Variants in NECAB1 observed in about 807,000 individuals in gnomAD.
The protein encoded by NECAB1 is N-terminal EF-hand calcium binding protein 1, also known as N-terminal EF-hand calcium-binding protein 1.
NECAB1 carries 29 observed loss-of-function variants against 57.5 expected under a neutral mutation model. The ratio of observed to expected loss-of-function variants is 0.50; its 90% CI spans 0.38 to 0.69. NECAB1 has a LOEUF of 0.69. Ranked by LOEUF, NECAB1 falls within the 30% of genes least tolerant of loss-of-function variation. The pLI is 0.00. For missense variants in NECAB1, 372 were observed against 413.8 expected (o/e 0.90, Z 0.88); for synonymous variants, 142 against 147.7 (o/e 0.96, Z 0.28).
At chr8:90,851,301 C>A (rs1489081690) in intron 3 of NECAB1, among the ~76,000 whole-genome samples, 1 of 152,104 alleles carries the variant, frequency 6.6e-6, no homozygotes, top group Non-Finnish European at 1.5e-5. Context: ...ATCATTCTAG[C>A]AAATTATCAA....
intron 3 of NECAB1, among the ~76,000 whole-genome samples, chr8:90,841,605 A>G (rs1586050739): frequency 6.6e-6 from 1 of 152,186 alleles, no homozygotes; most frequent in African/African-American, 2.4e-5. Context: ...GAACTGTCAT[A>G]CCTGCTGGGG....
chr8:90,945,046 T>G (rs1586148415), intron 10 of NECAB1, among the ~76,000 whole-genome samples: 1 of 152,038 alleles, frequency 6.6e-6, no homozygotes, highest in Non-Finnish European at 1.5e-5. Context: ...TACAGGTGCA[T>G]GCCACCATGC....
intron 10 of NECAB1, among the ~76,000 whole-genome samples, chr8:90,941,824 T>C (rs1810676441): frequency 1.3e-5 from 2 of 152,218 alleles, no homozygotes; most frequent in South Asian, 4.1e-4. Context: ...TGCCAGCCCA[T>C]GCACTGCCTC....
At chr8:90,795,028 A>G (rs1055362275) in intron 1 of NECAB1, among the ~76,000 whole-genome samples, 1 of 152,246 alleles carries the variant, frequency 6.6e-6, no homozygotes, top group African/African-American at 2.4e-5. Context: ...CCTGCCAGCC[A>G]CAGGAGAGGG....
chr8:90,887,612 C>T (rs987072573), intron 5 of NECAB1, among the ~76,000 whole-genome samples: 5 of 152,082 alleles, frequency 3.3e-5, no homozygotes, highest in African/African-American at 1.2e-4. Context: ...TCAGATAAAA[C>T]ATCAGCGAGA....
chr8:90,801,044 CAT>C lies in NECAB1; in HGVS notation c.100-646_100-645del, dbSNP rs573558011. Among the ~76,000 whole-genome samples the C allele has an allele frequency of 3.6e-3, 546 of 152,234 alleles. 3 individuals carry two copies. The highest frequency in any genetic ancestry group is 0.013 in the African/African-American group (524 of 41,528). Reference sequence around the variant, plus strand: ...ATAAATAAAGTAGATATAGCATAGACATGTGGTTACTCTTTACCCATGATGTA... The same window carrying C: ...ATAAATAAAGTAGATATAGCATAGACGTGGTTACTCTTTACCCATGATGTA... On this transcript the variant is annotated intron_variant, in intron 1 of 12. Coordinates refer to ENST00000417640, the MANE Select transcript of NECAB1 (RefSeq NM_022351.5).
intron 9 of NECAB1, among the ~76,000 whole-genome samples, chr8:90,935,158 T>C (rs1171549549): frequency 6.6e-6 from 1 of 152,176 alleles, no homozygotes; most frequent in African/African-American, 2.4e-5. Flanking sequence ...CACATTTATA[T>C]GAAACCAAGG....
chr8:90,881,821 G>T (rs1808845272), intron 5 of NECAB1, among the ~76,000 whole-genome samples: 1 of 152,146 alleles, frequency 6.6e-6, no homozygotes, highest in South Asian at 2.1e-4. Context: ...CCAATGAGAA[G>T]CACAAGATAA....
At chr8:90,860,337 C>G (rs1375418839) in intron 3 of NECAB1, among the ~76,000 whole-genome samples, 1 of 150,738 alleles carries the variant, frequency 6.6e-6, no homozygotes, top group East Asian at 2.0e-4. Flanking sequence ...ACACTCCTAA[C>G]TCCTAGAAGG....
At chr8:90,927,303 A>G (rs1029888675) in intron 7 of NECAB1, among the ~76,000 whole-genome samples, 1 of 150,460 alleles carries the variant, frequency 6.6e-6, no homozygotes, top group African/African-American at 2.5e-5. Flanking sequence ...CCAAGAAGGC[A>G]GGTGGAGAAG....
chr8:90,856,458 T>C (rs2129794023), intron 3 of NECAB1, among the ~76,000 whole-genome samples: 1 of 152,290 alleles, frequency 6.6e-6, no homozygotes, highest in South Asian at 2.1e-4. Flanking sequence ...CAAGATCAGC[T>C]TTAACATTAG....
At position 90,836,208 on chromosome 8, in the gene NECAB1, T is replaced by TA. The variant is rs375964880; in HGVS notation, c.233+11390dup. ...AATTATTGGATCTTCGTTTATATGT[T>TA]AAAAAAAGTTTTCATTACTTAAAAA... On this transcript the variant is annotated intron_variant, in intron 3 of 12. Transcript: ENST00000417640. Among the ~76,000 whole-genome samples, 724 of 152,248 alleles carry TA rather than the reference T, an allele frequency of 4.8e-3. 4 individuals carry two copies. The highest frequency in any genetic ancestry group is 0.017 in the African/African-American group (691 of 41,544).
intron 5 of NECAB1, among the ~76,000 whole-genome samples, chr8:90,915,400 T>C (rs1469752987): frequency 6.6e-6 from 1 of 152,128 alleles, no homozygotes; most frequent in Non-Finnish European, 1.5e-5. Flanking sequence ...AGCTATGAGA[T>C]CAAATTAAAT....
At chr8:90,955,112 T>TTTTATATATATA (rs1554578887) in intron 12 of NECAB1, among the ~76,000 whole-genome samples, 23 of 70,806 alleles carry the variant, frequency 3.2e-4, no homozygotes, top group African/African-American at 9.9e-4. Flanking sequence ...GGTATATAAA[T>TTTTATATATATA]TATATATATA....
intron 9 of NECAB1, among the ~76,000 whole-genome samples, chr8:90,935,941 C>G (rs1810528707): frequency 6.6e-6 from 1 of 152,120 alleles, no homozygotes; most frequent in Non-Finnish European, 1.5e-5. Context: ...AGGATATTCC[C>G]TATTTCCAGC....
At chr8:90,889,800 T>A (rs1194931631) in intron 5 of NECAB1, among the ~76,000 whole-genome samples, 1 of 152,224 alleles carries the variant, frequency 6.6e-6, no homozygotes, top group Non-Finnish European at 1.5e-5. Flanking sequence ...ATCCCAGCAC[T>A]TTGGGAGGCC....
chr8:90,926,962 C>T (rs184679086), intron 7 of NECAB1, among the ~76,000 whole-genome samples: 12 of 152,152 alleles, frequency 7.9e-5, no homozygotes, highest in Middle Eastern at 3.4e-3. Context: ...ATATGATCTA[C>T]CACATGGAAC....
chr8:90,900,872 A>G (rs942613576), intron 5 of NECAB1, among the ~76,000 whole-genome samples: 8 of 152,216 alleles, frequency 5.3e-5, no homozygotes, highest in Non-Finnish European at 5.9e-5. Context: ...TGTTGTTTGT[A>G]TAATAACTGA....
At chr8:90,906,888 T>TGTATAC (rs1563528242) in intron 5 of NECAB1, among the ~76,000 whole-genome samples, 2 of 89,428 alleles carry the variant, frequency 2.2e-5, no homozygotes, top group African/African-American at 8.1e-5. Context: ...TATATATATA[T>TGTATAC]ATATATATAT....
Sources: allele counts gnomAD v4.1 joint callset (sites outside exome capture counted in the v4.1 genomes callset), GRCh38; gene constraint gnomAD v4.1.1; transcripts MANE v1.5; gene names NCBI Gene and HGNC (gene_info 2026-07-23, HGNC 2026-07-21).